The following PAMR1 variants were observed in gnomAD, a reference collection of about 807,000 sequenced individuals.
PAMR1 encodes peptidase domain containing associated with muscle regeneration 1, also known as inactive serine protease PAMR1.
In PAMR1, 88 loss-of-function variants were observed where a neutral mutation model predicts 81.8. The ratio of observed to expected loss-of-function variants is 1.08; its 90% CI spans 0.91 to 1.28. The LOEUF (loss-of-function observed/expected upper bound fraction) is 1.28. Ranked by LOEUF, PAMR1 falls within the 50% of genes most tolerant of loss-of-function variation. The pLI, the probability that PAMR1 is intolerant of heterozygous loss-of-function variation, is 0.00. For missense variants in PAMR1, 935 were observed against 919.7 expected (o/e 1.02, Z -0.21); for synonymous variants, 336 against 345.3 (o/e 0.97, Z 0.30).
intron 1 of PAMR1, among the ~76,000 whole-genome samples, chr11:35,494,651 T>C (rs116506906): frequency 0.01 from 1,571 of 152,258 alleles, 28 homozygotes; most frequent in African/African-American, 0.036. Flanking sequence ...GGTAAGACTC[T>C]TAAGTACTCT....
intron 3 of PAMR1, among the ~76,000 whole-genome samples, chr11:35,485,922 G>A (rs932808782): frequency 1.3e-5 from 2 of 152,206 alleles, no homozygotes; most frequent in Non-Finnish European, 2.9e-5. Context: ...TGGGGCTCCG[G>A]CGCTGTGTCC....
At position 35,434,553 on chromosome 11, in the gene PAMR1, G is replaced by A. The variant is rs753018245; in HGVS notation, c.1585C>T (p.Arg529Trp). 3.5e-5 allele frequency: 56 copies of A among 1,613,764 alleles called. No homozygotes were observed. The highest frequency in any genetic ancestry group is 1.9e-4 in the South Asian group (17 of 91,058). The change falls in exon 10 of 11, where the codon CGG becomes TGG. Residue 529 changes from arginine to tryptophan, a missense_variant. By Grantham distance (101) the Arg-to-Trp change is moderately radical (BLOSUM62 -3). Transcript: ENST00000619888. ...DLKVVLGKFY[R>W]DDDRDEKTIQ... ...GTCTTCTCATCCCGGTCATCATCCC[G>A]GTAGAATTTCCCCAAAACAACTTTC...
chr11:35,523,065 A>C, intron 1 of PAMR1, among the ~76,000 whole-genome samples: 1 of 152,162 alleles, frequency 6.6e-6, no homozygotes, highest in East Asian at 1.9e-4. Context: ...CTCAGATTGT[A>C]TATTAGGGGA....
At chr11:35,520,519 G>C (rs1302099326) in intron 1 of PAMR1, among the ~76,000 whole-genome samples, 1 of 152,206 alleles carries the variant, frequency 6.6e-6, no homozygotes, top group Non-Finnish European at 1.5e-5. Flanking sequence ...TAGAGTTTCT[G>C]CCACTGATCT....
intron 2 of PAMR1, among the ~76,000 whole-genome samples, chr11:35,493,433 C>T (rs868513410): frequency 6.6e-6 from 1 of 152,200 alleles, no homozygotes; most frequent in African/African-American, 2.4e-5. Flanking sequence ...CTCTCCCTCT[C>T]CTTCTCCCTC....
intron 3 of PAMR1, among the ~76,000 whole-genome samples, chr11:35,490,846 T>C (rs946193881): frequency 6.6e-6 from 1 of 152,220 alleles, no homozygotes; most frequent in African/African-American, 2.4e-5. Context: ...AAAAGGACAC[T>C]GATATTAGCA....
At chr11:35,451,766 G>A (rs1856422733) in intron 6 of PAMR1, 1 of 532,876 alleles carries the variant, frequency 1.9e-6, no homozygotes, top group Non-Finnish European at 3.3e-6. Flanking sequence ...ATTAGTTCAT[G>A]AGGGTGGAGC....
At position 35,432,874 on chromosome 11, in the gene PAMR1, G is replaced by A; in HGVS notation, c.1645C>T (p.His549Tyr). Residue 549 changes from histidine to tyrosine, a missense_variant, in exon 11 of 11, where the codon CAT (histidine) becomes TAT (tyrosine). Transcript: ENST00000619888. Reference sequence around the variant, plus strand: ...AGCAGGATGGGGTCATAGTTGGGATGCAGAATGATAGCAGAAATCTACAAA... The same window carrying A: ...AGCAGGATGGGGTCATAGTTGGGATACAGAATGATAGCAGAAATCTACAAA... ...QSLQISAIIL[H>Y]PNYDPILLDA... 6.3e-7 allele frequency: 1 copy of A among 1,582,838 alleles called. No individual in the cohort carries two copies. Among genetic ancestry groups the A allele is most frequent in the Non-Finnish European group, 8.6e-7 (1 of 1,169,322 alleles).
chr11:35,461,005 C>A (rs1175246987), intron 6 of PAMR1, among the ~76,000 whole-genome samples: 1 of 152,004 alleles, frequency 6.6e-6, no homozygotes, highest in Admixed American at 6.6e-5. Context: ...GATCGCCATT[C>A]TAACTGGTGT....
In PAMR1 at chr11:35,474,742, A is replaced by T. The variant is rs1398522438; in HGVS notation, c.382T>A (p.Cys128Ser). The change falls in exon 4 of 11, where the codon TGT becomes AGT. Residue 128 changes from cysteine to serine, a missense_variant and splice_region_variant. Physicochemically the swap from Cys to Ser is moderately radical, Grantham distance 112 (BLOSUM62 -1). Transcript: ENST00000619888. ...TTTGGGGCTCGCAGAACCTGGCCAC[A>T]TCCTAAGAAAAGAAGAAAAGATTGG... The part of the protein sequence containing the change: ...AGWYGGDCMR[C>S]GQVLRAPKGQ... 4.4e-6 allele frequency: 7 copies of T among 1,600,758 alleles called. No homozygotes were observed. The Admixed American group carries it at 1.2e-4, about 27-fold the overall frequency.
intron 1 of PAMR1, among the ~76,000 whole-genome samples, chr11:35,516,845 G>A (rs1157306822): frequency 2.6e-5 from 4 of 152,140 alleles, no homozygotes; most frequent in South Asian, 2.1e-4. Flanking sequence ...TTTGGTAGTC[G>A]ATGATGATCT....
chr11:35,527,906 T>C (rs1369035900), upstream of PAMR1, among the ~76,000 whole-genome samples: 1 of 152,042 alleles, frequency 6.6e-6, no homozygotes, highest in Non-Finnish European at 1.5e-5. Flanking sequence ...GAGAACAAAA[T>C]GAAAACTTTT....
At chr11:35,473,760 C>G (rs1462720133) in intron 4 of PAMR1, among the ~76,000 whole-genome samples, 1 of 152,100 alleles carries the variant, frequency 6.6e-6, no homozygotes, top group Non-Finnish European at 1.5e-5. Flanking sequence ...TTTAGCCACC[C>G]AGAATATACT....
chr11:35,476,491 G>A (rs1850287222), intron 3 of PAMR1, among the ~76,000 whole-genome samples: 1 of 152,134 alleles, frequency 6.6e-6, no homozygotes, highest in African/African-American at 2.4e-5. Context: ...CTGCTGCCAT[G>A]TGAAGAAGGA....
At chr11:35,498,550 C>T (rs1186625462) in intron 1 of PAMR1, among the ~76,000 whole-genome samples, 1 of 152,222 alleles carries the variant, frequency 6.6e-6, no homozygotes, top group Admixed American at 6.5e-5. Context: ...GCTCATATTT[C>T]TCAAGGATAT....
At chr11:35,529,932 TCAGTG>T (rs1283647888), upstream of PAMR1, 1 of 152,242 alleles carries the variant, frequency 6.6e-6, no homozygotes, top group African/African-American at 2.4e-5. Flanking sequence ...GGTACCTTTT[TCAGTG>T]CCACCAGGGA....
At position 35,439,640 on chromosome 11, in the gene PAMR1, G is replaced by C. The variant is rs747395023; in HGVS notation, c.1087C>G (p.Gln363Glu). ...TTTTGACCTCACCTTGACTGAACCT[G>C]CATCGGAAGAACTCTCCTTCTCACC... ...DLVRRRVLPM[Q>E]VQSRETPLHQ... is the part of the protein sequence containing the mutation. The change falls in exon 8 of 11, where the codon CAG becomes GAG. Residue 363 changes from glutamine (Q) to glutamate (E), a missense_variant. Physicochemically the swap from Gln to Glu is conservative, Grantham distance 29. Coordinates refer to ENST00000619888, the MANE Select transcript of PAMR1 (RefSeq NM_001001991.3). 1.9e-6 allele frequency: 3 copies of C among 1,613,642 alleles called. No homozygotes were observed. In the East Asian group the frequency reaches 6.7e-5, roughly 36 times the overall value.
intron 1 of PAMR1, among the ~76,000 whole-genome samples, chr11:35,497,657 C>G (rs1850751808): frequency 6.6e-6 from 1 of 152,168 alleles, no homozygotes; most frequent in African/African-American, 2.4e-5. Flanking sequence ...ACATTTATAT[C>G]TTCCTATAGG....
chr11:35,495,904 T>C (rs1446901131), intron 1 of PAMR1, among the ~76,000 whole-genome samples: 2 of 152,242 alleles, frequency 1.3e-5, no homozygotes, highest in Non-Finnish European at 2.9e-5. Flanking sequence ...TTTAGTTTCA[T>C]GAAAATTTGA....
Sources: gnomAD v4.1 joint callset for allele counts (sites outside exome capture counted in the v4.1 genomes callset) on GRCh38, gnomAD v4.1.1 for gene constraint, MANE v1.5 for transcripts, NCBI Gene and HGNC (gene_info 2026-07-23, HGNC 2026-07-21) for gene names.